Variants in GRM6 observed in about 807,000 individuals in gnomAD.
The protein encoded by GRM6 is metabotropic glutamate receptor 6.
GRM6 carries 73 observed loss-of-function variants against 78.4 expected under a neutral mutation model. That is an observed-to-expected ratio of 0.93 (90% CI 0.77 to 1.13). The LOEUF is 1.13. GRM6 is among the 50% of genes most tolerant of loss of function. The probability of loss-of-function intolerance (pLI) is 0.00; values close to 1 mark genes in which losing one functional copy is unlikely to be tolerated. For synonymous variants in GRM6, 580 were observed against 555.0 expected (o/e 1.05, Z -0.63); for missense variants, 1,251 against 1,256.4 (o/e 1.00, Z 0.07).
chr5:178,993,399 C>A (rs2113345759), intron 2 of GRM6, among the ~76,000 whole-genome samples: 1 of 152,256 alleles, frequency 6.6e-6, no homozygotes, highest in Non-Finnish European at 1.5e-5. Context: ...CCTGGGCGGC[C>A]GCACAGCCTG....
Position 178,994,731 on chromosome 5 carries a change from T to C in GRM6, c.214A>G (p.Met72Val), listed in dbSNP as rs1306126552. The change falls in exon 2 of 11, where the codon ATG (methionine) becomes GTG (valine). Residue 72 changes from methionine (M) to valine (V), a missense_variant. Met to Val is a conservative substitution (Grantham distance 21). Coordinates refer to ENST00000517717, the MANE Select transcript of GRM6 (RefSeq NM_000843.4). ...KEQGVHRLEA[M>V]LYALDRVNAD... is the part of the protein sequence containing the mutation. Reference sequence around the variant, plus strand: ...TTGACGCGGTCCAGCGCGTACAGCATGGCCTCCAGCCGGTGCACGCCCTGC... The same window carrying C: ...TTGACGCGGTCCAGCGCGTACAGCACGGCCTCCAGCCGGTGCACGCCCTGC... 1.4e-6 allele frequency: 2 copies of C among 1,462,442 alleles called. No individual in the cohort carries two copies. Among genetic ancestry groups the C allele is most frequent in the Non-Finnish European group, 9.0e-7 (1 of 1,108,816 alleles). The allele number at this position is 1,462,442 out of a possible 1,614,324, so 90.6% of individuals were successfully genotyped here.
At position 178,988,585 on chromosome 5, in the gene GRM6, C is replaced by T. The variant is rs1760609900; in HGVS notation, c.1354+350G>A. Among the ~76,000 whole-genome samples the T allele has an allele frequency of 6.6e-6, 1 of 152,190 alleles. No individual in the cohort carries two copies. The highest frequency in any genetic ancestry group is 2.1e-4 in the South Asian group (1 of 4,832). ...TCCCTGGGTAGGCGCCCCACGCAGT[C>T]TTAACTGTGCCCCACGTGCACCCCC... On this transcript the variant is annotated intron_variant, in intron 7 of 10. Coordinates refer to ENST00000517717, the MANE Select transcript of GRM6 (RefSeq NM_000843.4). The surrounding 1 kb of genome is among the most constrained non-coding windows in gnomAD (Gnocchi z 6.0).
rs763837722 is a variant in GRM6, at chr5:178,989,120, C to T, written c.1169G>A (p.Gly390Asp). 7.4e-6 allele frequency: 12 copies of T among 1,613,972 alleles called. No homozygotes were observed. In the Admixed American group the frequency reaches 2.0e-4, roughly 27 times the overall value. The change falls in exon 7 of 11, where the codon GGC (glycine) becomes GAC (aspartate). Residue 390 changes from glycine to aspartate, a missense_variant. Physicochemically the swap from Gly to Asp is moderately conservative, Grantham distance 94 (BLOSUM62 -1). Transcript: ENST00000517717. The part of the protein sequence containing the change: ...TRKCTGEERI[G>D]RDSTYEQEGK... ...CTCCTGCTCGTAGGTGGAGTCCCGG[C>T]CGATGCGTTCCTCGCCTGTCCTAGG...
rs746584120 is a variant in GRM6, at chr5:178,986,082, C to T, written c.2124+48G>A. 1.7e-5 allele frequency: 26 copies of T among 1,563,328 alleles called. 1 individual carries two copies. Among genetic ancestry groups the T allele is most frequent in the South Asian group, 1.3e-4 (11 of 85,292 alleles). ...TGGCCCTTTTGGCTTTGTAACGTTG[C>T]GGACAGTCCCCCTCCCTGCCCTGGC... On this transcript the variant is annotated intron_variant, in intron 9 of 10. Transcript: ENST00000517717.
intron 7 of GRM6, chr5:178,987,495 C>G: frequency 6.6e-6 from 3 of 454,876 alleles, no homozygotes; most frequent in Non-Finnish European, 1.3e-5. Flanking sequence ...GAAGGCAGTT[C>G]TGACCCATGC....
At position 178,979,594 on chromosome 5, in the gene GRM6, A is replaced by G. The variant is rs1213618071; in HGVS notation, c.*2063T>C. The G allele has an allele frequency of 6.6e-6, 1 of 152,212 alleles. No homozygotes were observed. The highest frequency in any genetic ancestry group is 1.5e-5 in the Non-Finnish European group (1 of 68,044). 9.4% of individuals were successfully genotyped at this position (152,212 alleles called of 1,614,324 possible). ...GGGAAGCCAGGACTCTATGCCAGAA[A>G]CTTCACACTGGGGAGAAATCCTCAG... On this transcript the variant is annotated 3_prime_UTR_variant, in exon 11 of 11. Transcript: ENST00000517717.
At chr5:178,985,466 G>T (rs953469102) in intron 9 of GRM6, among the ~76,000 whole-genome samples, 28 of 151,756 alleles carry the variant, frequency 1.8e-4, no homozygotes, top group African/African-American at 6.5e-4. Flanking sequence ...CACTTTGGGA[G>T]GCCGAGGTGG....
In GRM6 at chr5:178,990,583, T is replaced by C. The variant is rs1489115874; in HGVS notation, c.1012+9A>G. The C allele has an allele frequency of 1.2e-6, 2 of 1,609,408 alleles. No individual in the cohort carries two copies. The highest frequency in any genetic ancestry group is 2.7e-5 in the African/African-American group (2 of 74,058). On this transcript the variant is annotated intron_variant, in intron 5 of 10. Transcript: ENST00000517717. ...TGTGGGGTGGGGGATGGAGTGCCCC[T>C]GGACTCACCGTCGATGGAGGCCCTT...
chr5:178,990,596 G>C lies in GRM6; in HGVS notation c.1008C>G (p.Ile336Met). ...AITILPKRAS[I>M]DGFDQYFMTR... is the part of the protein sequence containing the mutation. ...ATGGAGTGCCCCTGGACTCACCGTC[G>C]ATGGAGGCCCTTTTGGGCAGGATGG... Residue 336 changes from isoleucine (I) to methionine (M), a missense_variant, in exon 5 of 11, where the codon ATC (isoleucine) becomes ATG (methionine). Ile to Met is a conservative substitution (Grantham distance 10). Coordinates refer to ENST00000517717, the MANE Select transcript of GRM6 (RefSeq NM_000843.4). 1 of 1,612,480 alleles carries C rather than the reference G, an allele frequency of 6.2e-7. No individual in the cohort carries two copies. Among genetic ancestry groups the C allele is most frequent in the Non-Finnish European group, 8.5e-7 (1 of 1,179,282 alleles).
At position 178,989,079 on chromosome 5, in the gene GRM6, C is replaced by A. The variant is rs775127730; in HGVS notation, c.1210G>T (p.Val404Leu). Residue 404 changes from valine to leucine, a missense_variant, in exon 7 of 11, where the codon GTG becomes TTG. Transcript: ENST00000517717. ...TYEQEGKVQF[V>L]IDAVYAIAHA... ...GCAATGGCGTACACCGCATCAATCA[C>A]AAACTGCACCTTGCCCTCCTGCTCG... is the stretch of plus-strand genomic sequence containing the variant. 6.2e-7 allele frequency: 1 copy of A among 1,614,102 alleles called. No homozygotes were observed. Among genetic ancestry groups the A allele is most frequent in the East Asian group, 2.2e-5 (1 of 44,870 alleles).
At position 178,979,901 on chromosome 5, in the gene GRM6, C is replaced by T. The variant is rs77615122; in HGVS notation, c.*1756G>A. The T allele has an allele frequency of 6.5e-6, 1 of 154,370 alleles. No individual in the cohort carries two copies. The highest frequency in any genetic ancestry group is 1.9e-4 in the East Asian group (1 of 5,184). 9.6% of individuals were successfully genotyped at this position (154,370 alleles called of 1,614,324 possible). On this transcript the variant is annotated 3_prime_UTR_variant, in exon 11 of 11. Transcript: ENST00000517717. Reference sequence around the variant, plus strand: ...GAACCGCCTTTGGCAAGAAAACACGCCCCATTACCCATGAGAGAGCTGCAC... The same window carrying T: ...GAACCGCCTTTGGCAAGAAAACACGTCCCATTACCCATGAGAGAGCTGCAC...
Position 178,986,058 on chromosome 5 carries a change from G to A in GRM6, c.2124+72C>T, listed in dbSNP as rs190315731. ...ACTACAGGCGTGTGCCACTGTGCCT[G>A]GCCCTTTTGGCTTTGTAACGTTGCG... On this transcript the variant is annotated intron_variant, in intron 9 of 10. Coordinates refer to ENST00000517717, the MANE Select transcript of GRM6 (RefSeq NM_000843.4). The A allele has an allele frequency of 1.6e-4, 230 of 1,401,084 alleles. No homozygotes were observed. The African/African-American group carries it at 2.7e-3, about 16-fold the overall frequency. The allele number at this position is 1,401,084 out of a possible 1,614,324, so 86.8% of individuals were successfully genotyped here. A position where few individuals can be genotyped will look rare whatever the true frequency, so the allele number is the denominator to read the frequency against.
chr5:178,989,184 A>T, intron 6 of GRM6, 49 bp from the exon 7 acceptor site: 1 of 1,589,072 alleles, frequency 6.3e-7, no homozygotes, highest in Admixed American at 1.7e-5. Flanking sequence ...CATGCACCGA[A>T]CCCGGCCTCC....
rs1230320599 is a variant in GRM6, at chr5:178,991,116, T to C, written c.857+308A>G. On this transcript the variant is annotated intron_variant, in intron 4 of 10. Transcript: ENST00000517717. The surrounding 1 kb of genome is among the most constrained non-coding windows in gnomAD (Gnocchi z 5.0). ...GGGTCCGCAGCCTCTGTATGGACCC[T>C]GGGCTCCTTCCCTCACAGCTCATTT... 6.6e-6 allele frequency among the ~76,000 whole-genome samples: 1 copy of C among 152,068 alleles called. No homozygotes were observed. Among genetic ancestry groups the C allele is most frequent in the East Asian group, 1.9e-4 (1 of 5,164 alleles).
rs770162256 is a variant in GRM6, at chr5:178,989,138, G to A, written c.1154-3C>T. 1.2e-6 allele frequency: 2 copies of A among 1,613,450 alleles called. No homozygotes were observed. The highest frequency in any genetic ancestry group is 1.7e-6 in the Non-Finnish European group (2 of 1,179,726). ...GTCCCGGCCGATGCGTTCCTCGCCT[G>A]TCCTAGGGATGCCCAGAGAAAGTGT... On this transcript the variant is annotated splice_region_variant and splice_polypyrimidine_tract_variant and intron_variant, in intron 6 of 10. Transcript: ENST00000517717.
rs1760679516 is a variant in GRM6, at chr5:178,991,775, C to T, written c.721+92G>A. The T allele has an allele frequency of 8.2e-7, 1 of 1,223,262 alleles. No individual in the cohort carries two copies. The highest frequency in any genetic ancestry group is 1.5e-5 in the African/African-American group (1 of 67,128). The allele number at this position is 1,223,262 out of a possible 1,614,324, so 75.8% of individuals were successfully genotyped here. The stretch of plus-strand genomic sequence containing the variant: ...CCAGGCAACCTCGGCCCAGCATGGA[C>T]CTGGGCCCCCCATCTTTCTGCTTCT... On this transcript the variant is annotated intron_variant, in intron 3 of 10. Transcript: ENST00000517717. The surrounding 1 kb of genome is among the most constrained non-coding windows in gnomAD (Gnocchi z 5.0).
At position 178,994,484 on chromosome 5, in the gene GRM6, C is replaced by T; in HGVS notation, c.461G>A (p.Ser154Asn). Residue 154 changes from serine (S) to asparagine (N), a missense_variant, in exon 2 of 11, where the codon AGC (serine) becomes AAC (asparagine). By Grantham distance (46) the Ser-to-Asn change is conservative (BLOSUM62 1). Transcript: ENST00000517717. ...GTTGGCGACCATGATGGAGACGGAG[C>T]TGGCCGAGGCGCCCACGACGGCCAC... ...RVVAVVGASA[S>N]SVSIMVANVL... 1 of 1,463,430 alleles carries T rather than the reference C, an allele frequency of 6.8e-7. No homozygotes were observed. Among genetic ancestry groups the T allele is most frequent in the Non-Finnish European group, 9.0e-7 (1 of 1,112,596 alleles). The allele number at this position is 1,463,430 out of a possible 1,614,324, so 90.7% of individuals were successfully genotyped here.
rs938500688 is a variant in GRM6 at position 178,992,915 on chromosome 5, G to T, written c.505-832C>A. Among the ~76,000 whole-genome samples, 5 of 149,502 alleles carry T rather than the reference G, an allele frequency of 3.3e-5. No individual in the cohort carries two copies. The highest frequency in any genetic ancestry group is 4.2e-4 in the South Asian group (2 of 4,766). On this transcript the variant is annotated intron_variant, in intron 2 of 10. Coordinates refer to ENST00000517717, the MANE Select transcript of GRM6 (RefSeq NM_000843.4). This position sits in a 1 kb window ranked among gnomAD's most constrained non-coding sequence, Gnocchi z 4.9. ...TGGAGAGAAACAAGAAGGAGAGAGG[G>T]AGAGAGAGAGAGAGAAACAACTGAG... is the stretch of plus-strand genomic sequence containing the variant.
At position 178,986,561 on chromosome 5, in the gene GRM6, TG is replaced by T; in HGVS notation, c.1692del (p.Thr565ArgfsTer15). 2 of 1,607,878 alleles carry T rather than the reference TG, an allele frequency of 1.2e-6. No homozygotes were observed. Among genetic ancestry groups the T allele is most frequent in the East Asian group, 2.2e-5 (1 of 44,830 alleles). The stretch of plus-strand genomic sequence containing the variant: ...GGGCGGCAGCCCGTGTGGTTGGGCG[TG>T]GGCCTCATGTCCCCAGGACAGGCCT... ...TCEACPGDMRPTPNHTGCRPT... is the reference protein window; with the variant it reads ...TCEACPGDMRXTPNHTGCRPT... On this transcript the variant is annotated frameshift_variant, in exon 9 of 11. Coordinates refer to ENST00000517717, the MANE Select transcript of GRM6 (RefSeq NM_000843.4). LOFTEE classifies it high-confidence loss of function.
Sources: gnomAD v4.1 joint callset for allele counts (sites outside exome capture counted in the v4.1 genomes callset) on GRCh38, gnomAD v4.1.1 for gene constraint, Gnocchi (gnomAD v3.1) non-coding constraint, MANE v1.5 for transcripts, NCBI Gene and HGNC (gene_info 2026-07-23, HGNC 2026-07-21) for gene names.